The following FAM13C variants were observed in gnomAD, a reference collection of about 807,000 sequenced individuals.
The protein encoded by FAM13C is protein FAM13C.
FAM13C carries 37 observed loss-of-function variants against 73.2 expected under a neutral mutation model. That is an observed-to-expected ratio of 0.51 (90% CI 0.39 to 0.67). The LOEUF is 0.67. Ranked by LOEUF, FAM13C falls within the 30% of genes least tolerant of loss-of-function variation. The pLI is 0.00. For missense variants in FAM13C, 589 were observed against 715.6 expected, an observed-to-expected ratio of 0.82 and a Z score of 2.02; for synonymous variants, 246 against 260.9, an observed-to-expected ratio of 0.94 and a Z score of 0.55.
At chr10:59,353,236 C>T (rs928563629) in intron 2 of FAM13C, among the ~76,000 whole-genome samples, 2 of 152,168 alleles carry the variant, frequency 1.3e-5, no homozygotes, top group Non-Finnish European at 2.9e-5. Context: ...CTACCCCCCT[C>T]CAGTTACAAT....
At chr10:59,356,345 C>T (rs1337928676) in intron 1 of FAM13C, among the ~76,000 whole-genome samples, 1 of 152,176 alleles carries the variant, frequency 6.6e-6, no homozygotes, top group Admixed American at 6.5e-5. Flanking sequence ...ACCAAACCAG[C>T]CTCCATTTAG....
intron 4 of FAM13C, among the ~76,000 whole-genome samples, chr10:59,316,043 T>C (rs1375012195): frequency 1.9e-5 from 1 of 53,914 alleles, no homozygotes; most frequent in African/African-American, 1.0e-4. Context: ...GATTCTCATG[T>C]CTCAGCCTCC....
intron 4 of FAM13C, among the ~76,000 whole-genome samples, chr10:59,320,949 T>G (rs1850155243): frequency 6.6e-6 from 1 of 152,230 alleles, no homozygotes; most frequent in African/African-American, 2.4e-5. Flanking sequence ...GTTTTCGAAC[T>G]TGGAGGTAGA....
chr10:59,267,869 T>G (rs552934632), intron 8 of FAM13C, among the ~76,000 whole-genome samples: 1 of 152,342 alleles, frequency 6.6e-6, no homozygotes, highest in African/African-American at 2.4e-5. Flanking sequence ...ATGCTTTTTC[T>G]GTATGCCATG....
chr10:59,286,531 ATATATATATATT>A (rs895855157), intron 5 of FAM13C, among the ~76,000 whole-genome samples: 2 of 141,898 alleles, frequency 1.4e-5, no homozygotes, highest in African/African-American at 5.2e-5. Context: ...ATATATATAT[ATATATATATATT>A]CATCATACAG....
chr10:59,314,643 G>A (rs1157616765), intron 4 of FAM13C, among the ~76,000 whole-genome samples: 2 of 152,162 alleles, frequency 1.3e-5, no homozygotes, highest in East Asian at 3.9e-4. Flanking sequence ...TTCAACAGCT[G>A]TCTTATTCCT....
chr10:59,358,013 T>C (rs1442398787), intron 1 of FAM13C, among the ~76,000 whole-genome samples: 2 of 152,192 alleles, frequency 1.3e-5, no homozygotes, highest in Non-Finnish European at 1.5e-5. Flanking sequence ...TTTATAGTTT[T>C]GTAGTGAGTT....
intron 4 of FAM13C, among the ~76,000 whole-genome samples, chr10:59,305,377 T>G (rs1428604925): frequency 6.6e-6 from 1 of 152,250 alleles, no homozygotes; most frequent in Non-Finnish European, 1.5e-5. Context: ...ATAATAAACA[T>G]ATTAACTTAT....
chr10:59,323,828 A>T (rs991941860), intron 4 of FAM13C, among the ~76,000 whole-genome samples, 160 bp downstream of exon 4: 6 of 152,188 alleles, frequency 3.9e-5, no homozygotes, highest in Admixed American at 2.0e-4. Flanking sequence ...AAACTCACTC[A>T]GCGATTCCTC....
chr10:59,248,985 T>A (rs1425713293), intron 13 of FAM13C, among the ~76,000 whole-genome samples: 1 of 152,230 alleles, frequency 6.6e-6, no homozygotes, highest in Admixed American at 6.5e-5. Context: ...CATGGCTGGA[T>A]GTCTGAATAC....
At chr10:59,355,609 G>A (rs762336666) in intron 2 of FAM13C, among the ~76,000 whole-genome samples, 2 of 152,158 alleles carry the variant, frequency 1.3e-5, no homozygotes, top group Non-Finnish European at 2.9e-5. Flanking sequence ...CCTTTAGGGT[G>A]TGTGATGAGA....
intron 7 of FAM13C, among the ~76,000 whole-genome samples, chr10:59,269,513 A>G (rs957218195): frequency 7.9e-5 from 12 of 152,278 alleles, no homozygotes; most frequent in Non-Finnish European, 1.3e-4. Flanking sequence ...AGAAATGTAG[A>G]TGGACAGCTC....
At chr10:59,292,020 C>T (rs1226980014) in intron 5 of FAM13C, among the ~76,000 whole-genome samples, 3 of 152,058 alleles carry the variant, frequency 2.0e-5, no homozygotes, top group Admixed American at 6.6e-5. Flanking sequence ...TATCTCCTGA[C>T]CTCGTGGTCC....
At chr10:59,329,735 C>CATTCAA (rs1414810298) in intron 3 of FAM13C, among the ~76,000 whole-genome samples, 25 of 152,136 alleles carry the variant, frequency 1.6e-4, no homozygotes, top group Non-Finnish European at 3.5e-4. Context: ...AGAAAACAGA[C>CATTCAA]ATTCAATTAT....
In FAM13C at chr10:59,264,077, G is replaced by A. The variant is rs749845319; in HGVS notation, c.1024+8C>T. 1 of 1,611,992 alleles carries A rather than the reference G, an allele frequency of 6.2e-7. No homozygotes were observed. The highest frequency in any genetic ancestry group is 1.1e-5 in the South Asian group (1 of 91,028). ...TGTGAGGAAAAAAGATCTTTGGCTGGGATTTACCTTTGAGCTGTTTACGAC... is the reference window on the plus strand; with the variant it reads ...TGTGAGGAAAAAAGATCTTTGGCTGAGATTTACCTTTGAGCTGTTTACGAC... On this transcript the variant is annotated splice_region_variant and intron_variant, in intron 9 of 13. Coordinates refer to ENST00000618804, the MANE Select transcript of FAM13C (RefSeq NM_198215.4).
At chr10:59,342,753 C>T (rs1412461769) in intron 3 of FAM13C, among the ~76,000 whole-genome samples, 2 of 152,120 alleles carry the variant, frequency 1.3e-5, no homozygotes, top group African/African-American at 4.8e-5. Flanking sequence ...TGTTATTTAA[C>T]CATGTTTAAT....
Position 59,324,024 on chromosome 10 carries a change from G to A in FAM13C, c.407C>T (p.Ala136Val). ...TCGCACTGTTTCTTGGCACTTGAAG[G>A]CATTGTTTTGTGGACTCTCATGAGC... Reference protein sequence around the residue: ...TPAHESPQNNAFKCQETVRLQ... With the variant: ...TPAHESPQNNVFKCQETVRLQ... The change falls in exon 4 of 14, where the codon GCC becomes GTC. Residue 136 changes from alanine (A) to valine (V), a missense_variant. Ala to Val is a moderately conservative substitution (Grantham distance 64, BLOSUM62 0). Transcript: ENST00000618804. The A allele has an allele frequency of 6.2e-7, 1 of 1,614,056 alleles. No individual in the cohort carries two copies. The highest frequency in any genetic ancestry group is 1.7e-5 in the Admixed American group (1 of 60,010).
intron 6 of FAM13C, among the ~76,000 whole-genome samples, chr10:59,274,002 G>T (rs1344052885): frequency 1.3e-5 from 2 of 152,078 alleles, no homozygotes; most frequent in Non-Finnish European, 2.9e-5. Context: ...CATCATGGTG[G>T]GCTCATAAAT....
intron 9 of FAM13C, 28 bp downstream of exon 9, chr10:59,264,057 G>A (rs1454195065): frequency 1.9e-6 from 3 of 1,603,182 alleles, no homozygotes; most frequent in Non-Finnish European, 2.6e-6. Flanking sequence ...TCCTTTGTGA[G>A]GAAAAAAGAT....
Sources: allele counts gnomAD v4.1 joint callset (sites outside exome capture counted in the v4.1 genomes callset), GRCh38; gene constraint gnomAD v4.1.1; transcripts MANE v1.5; gene names NCBI Gene and HGNC (gene_info 2026-07-23, HGNC 2026-07-21).